AGPAT4: variants seen among roughly 807,000 people sequenced by gnomAD.
AGPAT4 encodes 1-acyl-sn-glycerol-3-phosphate acyltransferase delta.
In AGPAT4, 15 loss-of-function variants were observed where a neutral mutation model predicts 48.0. That is an observed-to-expected ratio of 0.31 (90% CI 0.21 to 0.48). AGPAT4 has a LOEUF of 0.48. AGPAT4 is among the 20% of genes least tolerant of loss of function. The pLI, the probability that AGPAT4 is intolerant of heterozygous loss-of-function variation, is 0.99. For missense variants in AGPAT4, 314 were observed against 482.5 expected (o/e 0.65, Z 3.27); for synonymous variants, 178 against 198.7 (o/e 0.90, Z 0.88).
At chr6:161,186,541 C>T (rs1263419369) in intron 2 of AGPAT4, among the ~76,000 whole-genome samples, 2 of 152,146 alleles carry the variant, frequency 1.3e-5, no homozygotes. Flanking sequence ...GCACTGCCCT[C>T]CTTACCTCTT....
At chr6:161,207,287 T>C (rs1405034835) in intron 2 of AGPAT4, among the ~76,000 whole-genome samples, 1 of 152,232 alleles carries the variant, frequency 6.6e-6, no homozygotes, top group Non-Finnish European at 1.5e-5. Flanking sequence ...CTAAATGCTC[T>C]TTTTGTATCC....
Position 161,245,543 on chromosome 6 carries a change from G to A in AGPAT4, c.-89-13241C>T, listed in dbSNP as rs545191762. Among the ~76,000 whole-genome samples the A allele has an allele frequency of 6.6e-6, 1 of 152,286 alleles. No homozygotes were observed. The highest frequency in any genetic ancestry group is 1.9e-4 in the East Asian group (1 of 5,186). ...TCTGCTGCCTCTATAGTGGCCACAG[G>A]AGCTTACTTTTTGTGGGGTGGTTCA... is the stretch of plus-strand genomic sequence containing the variant. On this transcript the variant is annotated intron_variant, in intron 1 of 8. Coordinates refer to ENST00000320285, the MANE Select transcript of AGPAT4 (RefSeq NM_020133.3). This position sits in a 1 kb window ranked among gnomAD's most constrained non-coding sequence, Gnocchi z 5.2.
chr6:161,153,256 G>A, intron 5 of AGPAT4, 90 bp downstream of exon 5: 1 of 1,487,396 alleles, frequency 6.7e-7, no homozygotes. Flanking sequence ...GCTGGGAAGT[G>A]CTGGCAGGAA....
rs1009791658 is a variant in AGPAT4, at chr6:161,180,839, C to T, written c.179-14422G>A. ...TCAAGTTACAGGGTGCCCACCAGAC[C>T]CTCTCTGTGCCTGATAAATAAAGCC... On this transcript the variant is annotated intron_variant, in intron 2 of 8. Transcript: ENST00000320285. The surrounding 1 kb of genome is among the most constrained non-coding windows in gnomAD (Gnocchi z 6.4). Among the ~76,000 whole-genome samples the T allele has an allele frequency of 3.3e-5, 5 of 152,100 alleles. No homozygotes were observed. Among genetic ancestry groups the T allele is most frequent in the African/African-American group, 1.2e-4 (5 of 41,418 alleles).
At chr6:161,265,137 GGATTAGTACCCACCGC>G (rs1783214094) in intron 1 of AGPAT4, among the ~76,000 whole-genome samples, 1 of 143,630 alleles carries the variant, frequency 7.0e-6, no homozygotes, top group Admixed American at 7.0e-5. Context: ...ACTGGGTGCT[GGATTAGTACCCACCGC>G]TGGACTGGGT....
rs1275257233 is a variant in AGPAT4, at chr6:161,255,000, C to T, written c.-90+18938G>A. Among the ~76,000 whole-genome samples, 1 of 152,140 alleles carries T rather than the reference C, an allele frequency of 6.6e-6. No homozygotes were observed. The highest frequency in any genetic ancestry group is 1.5e-5 in the Non-Finnish European group (1 of 68,044). On this transcript the variant is annotated intron_variant, in intron 1 of 8. Transcript: ENST00000320285. This position sits in a 1 kb window ranked among gnomAD's most constrained non-coding sequence, Gnocchi z 5.9. ...AACACACCCGGCAAGCTGTTCTTAT[C>T]GTTCCGAGGCCATTGCAGAGCCAGA...
chr6:161,210,311 T>G (rs1270763888), intron 2 of AGPAT4, among the ~76,000 whole-genome samples: 1 of 152,236 alleles, frequency 6.6e-6, no homozygotes, highest in Non-Finnish European at 1.5e-5. Context: ...TACACCTTAG[T>G]TGTTTCCTTT....
intron 2 of AGPAT4, among the ~76,000 whole-genome samples, chr6:161,199,013 G>A (rs913770129): frequency 6.6e-6 from 1 of 151,508 alleles, no homozygotes; most frequent in Admixed American, 6.6e-5. Flanking sequence ...GACAGATTAC[G>A]TATACTAATT....
chr6:161,153,526 C>G lies in AGPAT4; in HGVS notation c.511-27G>C, dbSNP rs377270615. On this transcript the variant is annotated intron_variant, in intron 4 of 8. Coordinates refer to ENST00000320285, the MANE Select transcript of AGPAT4 (RefSeq NM_020133.3). ...TGGAAGGAAGGAGGCAGGAGTCGCA[C>G]GCAGCCTCGGGGTCACACACAGCCC... The G allele has an allele frequency of 8.1e-6, 13 of 1,610,784 alleles. No homozygotes were observed. In the African/African-American group the frequency reaches 9.3e-5, roughly 12 times the overall value.
At chr6:161,163,824 G>A (rs1440961593) in intron 3 of AGPAT4, among the ~76,000 whole-genome samples, 1 of 152,222 alleles carries the variant, frequency 6.6e-6, no homozygotes, top group Non-Finnish European at 1.5e-5. Flanking sequence ...CAAACTTCCA[G>A]TGAGAAGAGA....
rs1299876725 is a variant in AGPAT4, at chr6:161,144,712, C to T, written c.843+1812G>A. 2.6e-5 allele frequency among the ~76,000 whole-genome samples: 4 copies of T among 152,178 alleles called. No homozygotes were observed. The East Asian group carries it at 7.7e-4, about 29-fold the overall frequency. ...TAACATTTTCGGCTGGGCACGGTGG[C>T]TCACGCCTGTAATCCCAGCACTTTG... On this transcript the variant is annotated intron_variant, in intron 7 of 8. Transcript: ENST00000320285. The surrounding 1 kb of genome is among the most constrained non-coding windows in gnomAD (Gnocchi z 6.6).
intron 1 of AGPAT4, among the ~76,000 whole-genome samples, chr6:161,271,083 C>G (rs942671815): frequency 1.3e-4 from 20 of 152,164 alleles, no homozygotes; most frequent in African/African-American, 4.3e-4. Context: ...TTCTAACAGT[C>G]CTTCTTTTTC....
rs935500127 is a variant in AGPAT4, at chr6:161,166,930, C to T, written c.179-513G>A. 2.0e-5 allele frequency among the ~76,000 whole-genome samples: 3 copies of T among 152,068 alleles called. No homozygotes were observed. The highest frequency in any genetic ancestry group is 4.4e-5 in the Non-Finnish European group (3 of 68,024). ...AGGAGCCCCAGCACCTGCAGGGCAGCGGGAGTGAGAGTCAGCCCACAGCAG... is the reference window on the plus strand; with the variant it reads ...AGGAGCCCCAGCACCTGCAGGGCAGTGGGAGTGAGAGTCAGCCCACAGCAG... On this transcript the variant is annotated intron_variant, in intron 2 of 8. Transcript: ENST00000320285. This position sits in a 1 kb window ranked among gnomAD's most constrained non-coding sequence, Gnocchi z 6.7.
Position 161,223,595 on chromosome 6 carries a change from T to C in AGPAT4, c.178+8441A>G, listed in dbSNP as rs1308100782. Among the ~76,000 whole-genome samples the C allele has an allele frequency of 2.0e-5, 3 of 152,218 alleles. No individual in the cohort carries two copies. Among genetic ancestry groups the C allele is most frequent in the African/African-American group, 7.2e-5 (3 of 41,450 alleles). ...CACGTGACAAATGTAGCGAGTGTAA[T>C]GACTGCAGCTGAAAATAGCTGTCCA... is the stretch of plus-strand genomic sequence containing the variant. On this transcript the variant is annotated intron_variant, in intron 2 of 8. Coordinates refer to ENST00000320285, the MANE Select transcript of AGPAT4 (RefSeq NM_020133.3). The surrounding 1 kb of genome is among the most constrained non-coding windows in gnomAD (Gnocchi z 6.3).
chr6:161,149,085 G>A lies in AGPAT4; in HGVS notation c.767+102C>T. The A allele has an allele frequency of 1.4e-6, 2 of 1,431,330 alleles. No individual in the cohort carries two copies. Among genetic ancestry groups the A allele is most frequent in the East Asian group, 2.4e-5 (1 of 41,224 alleles). The allele number at this position is 1,431,330 out of a possible 1,614,324, so 88.7% of individuals were successfully genotyped here. On this transcript the variant is annotated intron_variant, in intron 6 of 8. Coordinates refer to ENST00000320285, the MANE Select transcript of AGPAT4 (RefSeq NM_020133.3). The surrounding 1 kb of genome is among the most constrained non-coding windows in gnomAD (Gnocchi z 6.5). Reference sequence around the variant, plus strand: ...TGCAAAACAGACTGCAAAGAAGTCAGTGTGACCCAGGGATCCCTGGAAGAA... The same window carrying A: ...TGCAAAACAGACTGCAAAGAAGTCAATGTGACCCAGGGATCCCTGGAAGAA...
intron 1 of AGPAT4, among the ~76,000 whole-genome samples, chr6:161,260,199 G>A (rs144970450): frequency 1.7e-3 from 266 of 152,246 alleles, no homozygotes; most frequent in Non-Finnish European, 2.8e-3. Flanking sequence ...TTCCATAGGC[G>A]ATGCCTTTCA....
chr6:161,255,956 C>T lies in AGPAT4; in HGVS notation c.-90+17982G>A, dbSNP rs1432905387. 6.6e-6 allele frequency among the ~76,000 whole-genome samples: 1 copy of T among 152,094 alleles called. No homozygotes were observed. Among genetic ancestry groups the T allele is most frequent in the Non-Finnish European group, 1.5e-5 (1 of 68,028 alleles). ...AAGACAAAACATAAGCAGAGTCAGC[C>T]TTCAGTCCACACAGCCATGTCAACA... On this transcript the variant is annotated intron_variant, in intron 1 of 8. Transcript: ENST00000320285. The surrounding 1 kb of genome is among the most constrained non-coding windows in gnomAD (Gnocchi z 4.7).
At position 161,140,506 on chromosome 6, in the gene AGPAT4, C is replaced by T. The variant is rs887804962; in HGVS notation, c.844-886G>A. Among the ~76,000 whole-genome samples the T allele has an allele frequency of 2.6e-5, 4 of 152,240 alleles. No individual in the cohort carries two copies. In the South Asian group the frequency reaches 8.3e-4, roughly 32 times the overall value. ...CTCACGGCCCCACATAAATGCACTGCGAAAGAACGCGGTGGCTCTTCCCTG... is the reference window on the plus strand; with the variant it reads ...CTCACGGCCCCACATAAATGCACTGTGAAAGAACGCGGTGGCTCTTCCCTG... On this transcript the variant is annotated intron_variant, in intron 7 of 8. Transcript: ENST00000320285. The surrounding 1 kb of genome is among the most constrained non-coding windows in gnomAD (Gnocchi z 6.5).
intron 2 of AGPAT4, among the ~76,000 whole-genome samples, chr6:161,190,107 G>C (rs1286907945): frequency 6.6e-6 from 1 of 152,208 alleles, no homozygotes; most frequent in African/African-American, 2.4e-5. Context: ...AGCCATGTAT[G>C]TGGGAAGTGC....
Sources: gnomAD v4.1 joint callset for allele counts (sites outside exome capture counted in the v4.1 genomes callset) on GRCh38, gnomAD v4.1.1 for gene constraint, Gnocchi (gnomAD v3.1) non-coding constraint, MANE v1.5 for transcripts, NCBI Gene and HGNC (gene_info 2026-07-23, HGNC 2026-07-21) for gene names.